The following SHANK2 variants were observed in gnomAD, a reference collection of about 807,000 sequenced individuals.
SHANK2 encodes SH3 and multiple ankyrin repeat domains 2, also known as SH3 and multiple ankyrin repeat domains protein 2.
SHANK2 carries 43 observed loss-of-function variants against 133.7 expected under a neutral mutation model. The observed-to-expected ratio is 0.32, with a 90% CI of 0.25 to 0.41. The LOEUF is 0.41. Ranked by LOEUF, SHANK2 falls within the 10% of genes least tolerant of loss-of-function variation. The pLI is 1.00. For synonymous variants in SHANK2, 1,017 were observed against 952.8 expected (o/e 1.07, Z -1.24); for missense variants, 1,994 against 2,235.8 (o/e 0.89, Z 2.18).
At chr11:70,863,493 T>C (rs1949296537) in intron 11 of SHANK2, 1 of 457,748 alleles carries the variant, frequency 2.2e-6, no homozygotes, top group East Asian at 7.0e-5. Flanking sequence ...TGGGGGGTTT[T>C]CCTTATCTCT....
At chr11:70,855,968 T>C (rs1949163274) in intron 11 of SHANK2, among the ~76,000 whole-genome samples, 1 of 151,704 alleles carries the variant, frequency 6.6e-6, no homozygotes, top group African/African-American at 2.4e-5. Flanking sequence ...AATGAAGAAA[T>C]GGATAGATGA....
intron 14 of SHANK2, among the ~76,000 whole-genome samples, chr11:70,785,799 A>T (rs1419946085): frequency 2.6e-5 from 4 of 152,156 alleles, no homozygotes; most frequent in Non-Finnish European, 4.4e-5. Context: ...ATCATCCCCC[A>T]TCTCGGGCAC....
At chr11:70,713,494 G>A (rs1945840387) in intron 14 of SHANK2, among the ~76,000 whole-genome samples, 1 of 152,254 alleles carries the variant, frequency 6.6e-6, no homozygotes, top group African/African-American at 2.4e-5. Flanking sequence ...ACGTAGCAGT[G>A]GCTTCATGTA....
At position 71,189,984 on chromosome 11, in the gene SHANK2, C is replaced by T. The variant is rs143122002; in HGVS notation, c.-13+34713G>A. ...TCCGAGCACGAGGGCCCAGCCCAAG[C>T]GTCCAGTAGCATGGTGAAGAGCACA... On this transcript the variant is annotated intron_variant, in intron 2 of 25. Transcript: ENST00000601538. Among the ~76,000 whole-genome samples, 469 of 152,346 alleles carry T rather than the reference C, an allele frequency of 3.1e-3. 2 individuals are homozygous for T. Among genetic ancestry groups the T allele is most frequent in the African/African-American group, 0.011 (453 of 41,574 alleles).
At chr11:71,091,266 T>A (rs1951514616) in intron 8 of SHANK2, among the ~76,000 whole-genome samples, 1 of 152,038 alleles carries the variant, frequency 6.6e-6, no homozygotes, top group South Asian at 2.1e-4. Context: ...AGACCCCTAC[T>A]CATCCCTCGG....
intron 9 of SHANK2, among the ~76,000 whole-genome samples, chr11:71,066,087 TG>T (rs1951054572): frequency 1.2e-4 from 4 of 34,404 alleles, no homozygotes; most frequent in South Asian, 1.0e-3. Flanking sequence ...GTGGGGAAGT[TG>T]GTGGGGGGGG....
intron 17 of SHANK2, among the ~76,000 whole-genome samples, chr11:70,557,392 C>T (rs2059847399): frequency 1.3e-5 from 2 of 152,172 alleles, no homozygotes; most frequent in Non-Finnish European, 2.9e-5. Context: ...CCACCACCTC[C>T]TCCTAAGAAG....
intron 14 of SHANK2, among the ~76,000 whole-genome samples, chr11:70,767,115 G>T (rs1157837253): frequency 6.6e-6 from 1 of 152,138 alleles, no homozygotes; most frequent in Non-Finnish European, 1.5e-5. Context: ...GGACATGGGC[G>T]CTGGGCTTTT....
intron 14 of SHANK2, among the ~76,000 whole-genome samples, chr11:70,775,112 T>C (rs543730523): frequency 1.2e-3 from 185 of 152,150 alleles, no homozygotes; most frequent in Non-Finnish European, 2.1e-3. Context: ...TGAGCTATGA[T>C]TGCACCACCG....
chr11:70,817,264 G>T (rs1328258293), intron 12 of SHANK2, among the ~76,000 whole-genome samples: 1 of 152,248 alleles, frequency 6.6e-6, no homozygotes, highest in East Asian at 1.9e-4. Context: ...TTAAGGGAAG[G>T]ACCTCTCAGC....
intron 2 of SHANK2, among the ~76,000 whole-genome samples, chr11:71,201,683 G>A (rs891973854): frequency 1.3e-5 from 2 of 152,192 alleles, no homozygotes; most frequent in Admixed American, 1.3e-4. Flanking sequence ...ACAGGTTCAC[G>A]GCCACAGAGT....
intron 14 of SHANK2, among the ~76,000 whole-genome samples, chr11:70,718,963 C>T (rs183679849): frequency 1.5e-4 from 23 of 152,164 alleles, no homozygotes; most frequent in African/African-American, 5.1e-4. Context: ...GGGATAATCA[C>T]GAATTATCGG....
chr11:71,080,361 G>C (rs2136000738), intron 8 of SHANK2, among the ~76,000 whole-genome samples: 1 of 152,244 alleles, frequency 6.6e-6, no homozygotes, highest in East Asian at 1.9e-4. Flanking sequence ...ACAAGACTTG[G>C]TGTGAATTAG....
At chr11:70,509,141 G>A (rs782071059) in intron 17 of SHANK2, among the ~76,000 whole-genome samples, 23 of 152,206 alleles carry the variant, frequency 1.5e-4, no homozygotes, top group Non-Finnish European at 3.2e-4. Flanking sequence ...CCCACCTGCA[G>A]TGCTTGGTCA....
At position 70,820,477 on chromosome 11, in the gene SHANK2, G is replaced by A. The variant is rs1200338084; in HGVS notation, c.1380C>T (p.Ala460=). Residue 460 remains alanine (A), a synonymous_variant, in exon 12 of 26, where the codon GCC becomes GCT. Coordinates refer to ENST00000601538, the MANE Select transcript of SHANK2 (RefSeq NM_012309.5). ...GCACGTAGCTCCCAATGGTCTTCGC[G>A]GCCCCCTCGGGCTTGCTGGGCATCT... is the stretch of plus-strand genomic sequence containing the variant. ...LQQMPSKPEG[A]AKTIGSYVPG... 8.4e-6 allele frequency: 6 copies of A among 716,728 alleles called. No homozygotes were observed. The highest frequency in any genetic ancestry group is 2.7e-5 in the East Asian group (1 of 37,262). The allele number at this position is 716,728 out of a possible 1,614,324, so 44.4% of individuals were successfully genotyped here.
chr11:70,733,867 C>T (rs1422507330), intron 14 of SHANK2, among the ~76,000 whole-genome samples: 1 of 152,228 alleles, frequency 6.6e-6, no homozygotes, highest in East Asian at 1.9e-4. Context: ...AGGGACTCAG[C>T]TGCCAAGGCG....
At chr11:71,237,743 A>T (rs1221522964) in intron 1 of SHANK2, among the ~76,000 whole-genome samples, 1 of 152,150 alleles carries the variant, frequency 6.6e-6, no homozygotes, top group Admixed American at 6.5e-5. Context: ...CTGAATCACT[A>T]GCTGTAGAGC....
At chr11:71,235,369 G>A (rs1591043932) in intron 1 of SHANK2, among the ~76,000 whole-genome samples, 1 of 152,172 alleles carries the variant, frequency 6.6e-6, no homozygotes, top group Middle Eastern at 3.4e-3. Flanking sequence ...CGAGGCAGGT[G>A]GATCACCTGA....
chr11:70,698,511 C>T (rs1945448196), intron 15 of SHANK2, among the ~76,000 whole-genome samples, 177 bp downstream of exon 15: 4 of 152,246 alleles, frequency 2.6e-5, no homozygotes, highest in Admixed American at 2.6e-4. Context: ...GCACCAAGTA[C>T]ACCTCTCAGG....
Sources: gnomAD v4.1 joint callset for allele counts (sites outside exome capture counted in the v4.1 genomes callset) on GRCh38, gnomAD v4.1.1 for gene constraint, MANE v1.5 for transcripts, NCBI Gene and HGNC (gene_info 2026-07-23, HGNC 2026-07-21) for gene names.